Variants in CEP104 observed in about 807,000 individuals in gnomAD.
The protein encoded by CEP104 is centrosomal protein of 104 kDa.
In CEP104, 84 loss-of-function variants were observed where a neutral mutation model predicts 113.3. The observed-to-expected ratio is 0.74, with a 90% CI of 0.62 to 0.89. The LOEUF is 0.89. Among genes scored for constraint, CEP104 ranks in the 40% least tolerant of loss-of-function variants. The pLI is 0.00. For synonymous variants in CEP104, 378 were observed against 421.7 expected (o/e 0.90, Z 1.27); for missense variants, 1,053 against 1,156.6 (o/e 0.91, Z 1.30).
Position 3,851,096 on chromosome 1 carries a change from G to C in CEP104, c.113+1199C>G, listed in dbSNP as rs116787782. The stretch of plus-strand genomic sequence containing the variant: ...CTGCCCTCCAGCCACAGGCTGGACC[G>C]TGTTAATGCTGCCTGCATGGGCAGT... On this transcript the variant is annotated intron_variant, in intron 2 of 21. Coordinates refer to ENST00000378230, the MANE Select transcript of CEP104 (RefSeq NM_014704.4). Among the ~76,000 whole-genome samples, 881 of 152,212 alleles carry C rather than the reference G, an allele frequency of 5.8e-3. 10 individuals carry two copies. Among genetic ancestry groups the C allele is most frequent in the African/African-American group, 0.02 (820 of 41,544 alleles).
At chr1:3,847,393 G>C in intron 4 of CEP104, 82 bp downstream of exon 4, 1 of 1,283,884 alleles carries the variant, frequency 7.8e-7, no homozygotes, top group Non-Finnish European at 1.1e-6. Flanking sequence ...CCTTGAAAAT[G>C]CATCTAAGAA....
chr1:3,820,510 G>C (rs1643952125), intron 20 of CEP104, among the ~76,000 whole-genome samples: 1 of 152,254 alleles, frequency 6.6e-6, no homozygotes, highest in Non-Finnish European at 1.5e-5. Context: ...TGTCTGGGGT[G>C]GAGGAAGGCA....
intron 10 of CEP104, 81 bp downstream of exon 10, chr1:3,836,414 G>A: frequency 1.4e-6 from 2 of 1,412,178 alleles, no homozygotes; most frequent in Non-Finnish European, 1.9e-6. Context: ...TCCTTTATGT[G>A]TAAGTACACA....
chr1:3,821,486 G>A (rs533621486), intron 20 of CEP104, among the ~76,000 whole-genome samples: 54 of 152,310 alleles, frequency 3.5e-4, no homozygotes, highest in African/African-American at 1.2e-3. Context: ...CTAACCTAGG[G>A]TCACCACAGA....
chr1:3,847,551 T>A lies in CEP104; in HGVS notation c.350A>T (p.Tyr117Phe). The part of the protein sequence containing the change: ...GCKARELKSV[Y>F]VDAVGQFLKL... ...AAGAAATTGTCCTACTGCATCCACA[T>A]AAACTGATTTTAGTTCCCGGGCTTT... is the stretch of plus-strand genomic sequence containing the variant. Residue 117 changes from tyrosine (Y) to phenylalanine (F), a missense_variant, in exon 4 of 22, where the codon TAT (tyrosine) becomes TTT (phenylalanine). Physicochemically the swap from Tyr to Phe is conservative, Grantham distance 22 (BLOSUM62 3). Coordinates refer to ENST00000378230, the MANE Select transcript of CEP104 (RefSeq NM_014704.4). 6.2e-7 allele frequency: 1 copy of A among 1,613,756 alleles called. No individual in the cohort carries two copies. The highest frequency in any genetic ancestry group is 8.5e-7 in the Non-Finnish European group (1 of 1,179,800).
At position 3,836,379 on chromosome 1, in the gene CEP104, A is replaced by C. The variant is rs1163575814; in HGVS notation, c.1317+116T>G. On this transcript the variant is annotated intron_variant, in intron 10 of 21. Coordinates refer to ENST00000378230, the MANE Select transcript of CEP104 (RefSeq NM_014704.4). ...ACAAAGGGAAGTCAACAATATTACA[A>C]ATGCAAAGCCGTGGGCGTTTTCCCT... The C allele has an allele frequency of 4.7e-6, 5 of 1,061,238 alleles. No homozygotes were observed. In the East Asian group the frequency reaches 1.3e-4, roughly 27 times the overall value. 65.7% of individuals were successfully genotyped at this position (1,061,238 alleles called of 1,614,324 possible).
chr1:3,820,466 G>C (rs1442411330), intron 20 of CEP104, among the ~76,000 whole-genome samples: 3 of 152,264 alleles, frequency 2.0e-5, no homozygotes, highest in Non-Finnish European at 4.4e-5. Context: ...GCCCCTGGAG[G>C]AAGGCGGATG....
Position 3,839,068 on chromosome 1 carries a change from T to C in CEP104, c.787A>G (p.Lys263Glu). 1 of 1,614,052 alleles carries C rather than the reference T, an allele frequency of 6.2e-7. No individual in the cohort carries two copies. Among genetic ancestry groups the C allele is most frequent in the Non-Finnish European group, 8.5e-7 (1 of 1,180,002 alleles). ...YEVEKRCAVEKEDYDLAKEKK... is the reference protein window; with the variant it reads ...YEVEKRCAVEEEDYDLAKEKK... ...TCCTTGGCGAGATCGTAGTCTTCCT[T>C]CTCCACGGCACAGCGTTTCTCTACC... Residue 263 changes from lysine to glutamate, a missense_variant, in exon 8 of 22, where the codon AAG becomes GAG. Coordinates refer to ENST00000378230, the MANE Select transcript of CEP104 (RefSeq NM_014704.4).
In CEP104 at chr1:3,815,260, C is replaced by T. The variant is rs897062531; in HGVS notation, c.*142G>A. 1.5e-4 allele frequency: 93 copies of T among 637,080 alleles called. No homozygotes were observed. Among genetic ancestry groups the T allele is most frequent in the African/African-American group, 1.4e-3 (78 of 54,866 alleles). The allele number at this position is 637,080 out of a possible 1,614,324, so 39.5% of individuals were successfully genotyped here. A position where few individuals can be genotyped will look rare whatever the true frequency, so the allele number is the denominator to read the frequency against. The stretch of plus-strand genomic sequence containing the variant: ...TTTGCACGAGAGCTGACGGCACAGA[C>T]GCGTAAGAGGCGTGCACGGCGGGGA... On this transcript the variant is annotated 3_prime_UTR_variant, in exon 22 of 22. Coordinates refer to ENST00000378230, the MANE Select transcript of CEP104 (RefSeq NM_014704.4).
chr1:3,843,378 T>G (rs1019386317), intron 6 of CEP104: 209 of 334,018 alleles, frequency 6.3e-4, no homozygotes, highest in Non-Finnish European at 1.0e-3. Context: ...TATGTATAAT[T>G]TTTTTTTTTT....
At position 3,845,350 on chromosome 1, in the gene CEP104, A is replaced by T. The variant is rs775866317; in HGVS notation, c.428T>A (p.Val143Asp). The T allele has an allele frequency of 1.9e-6, 3 of 1,596,112 alleles. No homozygotes were observed. In the East Asian group the frequency reaches 6.7e-5, roughly 36 times the overall value. Reference sequence around the variant, plus strand: ...AATGATATTTATGGCAACCAAAGCAACCTAAGAAAGTGTTAAAATAACAGA... The same window carrying T: ...AATGATATTTATGGCAACCAAAGCATCCTAAGAAAGTGTTAAAATAACAGA... ...HVNKYNIYNQ[V>D]ALVAINIIGD... is the part of the protein sequence containing the mutation. The change falls in exon 5 of 22, where the codon GTT becomes GAT. Residue 143 changes from valine to aspartate, a missense_variant and splice_region_variant. Transcript: ENST00000378230.
chr1:3,830,589 C>CGTCAGGGGTTT (rs1644184744), intron 13 of CEP104, among the ~76,000 whole-genome samples: 1 of 151,788 alleles, frequency 6.6e-6, no homozygotes, highest in African/African-American at 2.4e-5. Flanking sequence ...CTGGCTAACA[C>CGTCAGGGGTTT]AGTGAAACCC....
chr1:3,822,307 G>T (rs1289313661), intron 20 of CEP104, among the ~76,000 whole-genome samples: 1 of 152,210 alleles, frequency 6.6e-6, no homozygotes, highest in African/African-American at 2.4e-5. Context: ...CGCTGAGAGC[G>T]GCTGGGGGCT....
At position 3,831,237 on chromosome 1, in the gene CEP104, G is replaced by A; in HGVS notation, c.1660-15C>T. The A allele has an allele frequency of 6.2e-7, 1 of 1,604,332 alleles. No individual in the cohort carries two copies. The highest frequency in any genetic ancestry group is 1.3e-5 in the African/African-American group (1 of 74,752). On this transcript the variant is annotated splice_polypyrimidine_tract_variant and intron_variant, in intron 12 of 21. Coordinates refer to ENST00000378230, the MANE Select transcript of CEP104 (RefSeq NM_014704.4). ...AAGGCCATTTCCTATGAAAGCCAAG[G>A]TAATTTGTTAATTTTTACTGGAAAA...
At chr1:3,817,617 C>T (rs557990110) in intron 20 of CEP104, among the ~76,000 whole-genome samples, 53 of 152,176 alleles carry the variant, frequency 3.5e-4, no homozygotes, top group African/African-American at 7.0e-4. Context: ...AAAGCTGGGG[C>T]GCCTTCTCAC....
At position 3,819,801 on chromosome 1, in the gene CEP104, G is replaced by A. The variant is rs1356395276; in HGVS notation, c.2571+3373C>T. ...CGGCAAAACAATTCACACGAAATTA[G>A]AAAGACGTGTCTCAGCAGGCTGGAG... On this transcript the variant is annotated intron_variant, in intron 20 of 21. Coordinates refer to ENST00000378230, the MANE Select transcript of CEP104 (RefSeq NM_014704.4). The surrounding 1 kb of genome is among the most constrained non-coding windows in gnomAD (Gnocchi z 4.6). 6.6e-6 allele frequency among the ~76,000 whole-genome samples: 1 copy of A among 152,220 alleles called. No individual in the cohort carries two copies. Among genetic ancestry groups the A allele is most frequent in the Non-Finnish European group, 1.5e-5 (1 of 68,024 alleles).
intron 18 of CEP104, among the ~76,000 whole-genome samples, 172 bp downstream of exon 18, chr1:3,825,586 G>C (rs151187398): frequency 6.6e-6 from 1 of 152,350 alleles, no homozygotes; most frequent in African/African-American, 2.4e-5. Flanking sequence ...TGGGCTGTCT[G>C]TCATATGGAA....
chr1:3,817,091 G>A (rs908563362), intron 20 of CEP104, among the ~76,000 whole-genome samples: 5 of 152,228 alleles, frequency 3.3e-5, no homozygotes, highest in African/African-American at 1.2e-4. Context: ...AACACTTTGG[G>A]AGGCAGAGGT....
chr1:3,853,685 G>A (rs980563429), intron 1 of CEP104, among the ~76,000 whole-genome samples: 8 of 152,138 alleles, frequency 5.3e-5, no homozygotes, highest in Non-Finnish European at 1.0e-4. Context: ...AAAATAGAAT[G>A]ATAAACCATC....
Sources: gnomAD v4.1 joint callset for allele counts (sites outside exome capture counted in the v4.1 genomes callset) on GRCh38, gnomAD v4.1.1 for gene constraint, Gnocchi (gnomAD v3.1) non-coding constraint, MANE v1.5 for transcripts, NCBI Gene and HGNC (gene_info 2026-07-23, HGNC 2026-07-21) for gene names.